Variants in ZEB1 observed in about 807,000 individuals in gnomAD.
ZEB1 encodes the protein zinc finger E-box-binding homeobox 1.
Under a neutral mutation model 84.9 loss-of-function variants are expected in ZEB1, and 21 were observed. That is an observed-to-expected ratio of 0.25 (90% CI 0.18 to 0.36). The LOEUF (loss-of-function observed/expected upper bound fraction) is 0.36. Among genes scored for constraint, ZEB1 ranks in the 10% least tolerant of loss-of-function variants. The probability of loss-of-function intolerance (pLI) is 1.00; values close to 1 mark genes in which losing one functional copy is unlikely to be tolerated. For synonymous variants in ZEB1, 420 were observed against 471.1 expected, an observed-to-expected ratio of 0.89 and a Z score of 1.41; for missense variants, 1,104 against 1,330.2, an observed-to-expected ratio of 0.83 and a Z score of 2.65.
At chr10:31,348,260 G>GT (rs1396266142) in intron 1 of ZEB1, among the ~76,000 whole-genome samples, 3 of 152,216 alleles carry the variant, frequency 2.0e-5, no homozygotes, top group Admixed American at 6.5e-5. Flanking sequence ...TGCTCTTCTG[G>GT]TTTTTTTAAG....
chr10:31,489,377 G>A lies in ZEB1; in HGVS notation c.260-6399G>A, dbSNP rs1303595354. Among the ~76,000 whole-genome samples the A allele has an allele frequency of 7.3e-5, 11 of 151,288 alleles. No individual in the cohort carries two copies. The South Asian group carries it at 1.7e-3, about 23-fold the overall frequency. On this transcript the variant is annotated intron_variant, in intron 2 of 8. Transcript: ENST00000424869. ...TGTAATTATAATTGAAGAAATTTTT[G>A]TAGATAGGATATTAATGGGGATTTT...
At chr10:31,375,340 A>G (rs1221128579) in intron 1 of ZEB1, among the ~76,000 whole-genome samples, 1 of 151,798 alleles carries the variant, frequency 6.6e-6, no homozygotes, top group African/African-American at 2.4e-5. Context: ...TCTTGAAGAA[A>G]TATATTCCTT....
chr10:31,325,083 G>A (rs1174710484), intron 1 of ZEB1, among the ~76,000 whole-genome samples: 1 of 152,034 alleles, frequency 6.6e-6, no homozygotes, highest in Non-Finnish European at 1.5e-5. Flanking sequence ...AGCCTTGATG[G>A]AGGTGGGTTA....
Position 31,520,578 on chromosome 10 carries a change from G to A in ZEB1, c.1246G>A (p.Val416Ile). ...ISINLSDIQN[V>I]LKVAVDGNVI... The stretch of plus-strand genomic sequence containing the variant: ...TATCAATTTAAGTGATATTCAGAAT[G>A]TACTTAAAGTGGCGGTAGATGGTAA... The change falls in exon 7 of 9, where the codon GTA becomes ATA. Residue 416 changes from valine to isoleucine, a missense_variant. This residue lies in a region of ZEB1 where 531 missense variants were observed against 575.2 expected (regional missense o/e 0.92). Coordinates refer to ENST00000424869, the MANE Select transcript of ZEB1 (RefSeq NM_001174096.2). This position sits in a 1 kb window ranked among gnomAD's most constrained non-coding sequence, Gnocchi z 5.1. 2 of 1,613,986 alleles carry A rather than the reference G, an allele frequency of 1.2e-6. No individual in the cohort carries two copies. Among genetic ancestry groups the A allele is most frequent in the Non-Finnish European group, 1.7e-6 (2 of 1,179,970 alleles).
At chr10:31,405,687 G>A (rs1471549815) in intron 1 of ZEB1, among the ~76,000 whole-genome samples, 2 of 151,428 alleles carry the variant, frequency 1.3e-5, no homozygotes, top group South Asian at 2.1e-4. Context: ...AAAGTGGAAC[G>A]TGTTTCTATT....
chr10:31,462,091 A>G (rs2061884173), intron 2 of ZEB1, among the ~76,000 whole-genome samples: 1 of 152,160 alleles, frequency 6.6e-6, no homozygotes, highest in Non-Finnish European at 1.5e-5. Context: ...AAGTTCAAAG[A>G]GGTCGTCTAG....
At position 31,521,918 on chromosome 10, in the gene ZEB1, C is replaced by CAT. The variant is rs2072495084; in HGVS notation, c.2586_2587insAT (p.Gln863IlefsTer21). 2.5e-6 allele frequency: 4 copies of CAT among 1,613,894 alleles called. No homozygotes were observed. The highest frequency in any genetic ancestry group is 3.4e-6 in the Non-Finnish European group (4 of 1,179,978). Reference sequence around the variant, plus strand: ...TCCAAGAACCACCCTTGAAAGTGATCCAGCCAAATGGAAATCAGGTAAAAA... The same window carrying CAT: ...TCCAAGAACCACCCTTGAAAGTGATCATCAGCCAAATGGAAATCAGGTAAAAA... On this transcript the variant is annotated frameshift_variant, in exon 7 of 9. Transcript: ENST00000424869. LOFTEE classifies it high-confidence loss of function.
At position 31,379,116 on chromosome 10, in the gene ZEB1, C is replaced by G. The variant is rs561200305; in HGVS notation, c.58+59824C>G. Among the ~76,000 whole-genome samples the G allele has an allele frequency of 2.0e-5, 3 of 152,052 alleles. No individual in the cohort carries two copies. In the East Asian group the frequency reaches 5.8e-4, roughly 29 times the overall value. Reference sequence around the variant, plus strand: ...TTATGTAGCTGAGACCAGTTGGTCTCTTTTAGAGAGGGGAGTATCAGTTAG... The same window carrying G: ...TTATGTAGCTGAGACCAGTTGGTCTGTTTTAGAGAGGGGAGTATCAGTTAG... On this transcript the variant is annotated intron_variant, in intron 1 of 8. Transcript: ENST00000424869.
chr10:31,524,314 G>A (rs905389680), intron 8 of ZEB1, among the ~76,000 whole-genome samples: 1 of 151,904 alleles, frequency 6.6e-6, no homozygotes, highest in East Asian at 1.9e-4. Context: ...CGCCTCCCGG[G>A]CTCAAGCCAT....
At chr10:31,404,091 T>TA (rs2052541412) in intron 1 of ZEB1, among the ~76,000 whole-genome samples, 1 of 152,070 alleles carries the variant, frequency 6.6e-6, no homozygotes, top group African/African-American at 2.4e-5. Flanking sequence ...TTTGGAAATT[T>TA]AAAAAATAGT....
At chr10:31,400,065 A>G (rs1400201167) in intron 1 of ZEB1, among the ~76,000 whole-genome samples, 1 of 151,668 alleles carries the variant, frequency 6.6e-6, no homozygotes, top group Non-Finnish European at 1.5e-5. Flanking sequence ...CCCCTACTTC[A>G]CCCCAATTCT....
chr10:31,321,546 G>GA, intron 1 of ZEB1: 1 of 1,614,024 alleles, frequency 6.2e-7, no homozygotes, highest in Non-Finnish European at 8.5e-7. Context: ...AGTTGGTTCG[G>GA]AAAGAGCTGT....
intron 1 of ZEB1, among the ~76,000 whole-genome samples, chr10:31,415,324 G>A (rs2055026038): frequency 6.6e-6 from 1 of 152,090 alleles, no homozygotes; most frequent in Non-Finnish European, 1.5e-5. Context: ...TGCTGTTGAT[G>A]CTGCTGCAAC....
chr10:31,462,253 G>A (rs891155271), intron 2 of ZEB1, among the ~76,000 whole-genome samples: 1 of 152,102 alleles, frequency 6.6e-6, no homozygotes, highest in Non-Finnish European at 1.5e-5. Context: ...CAAATCTAAT[G>A]GTTAACAAGG....
chr10:31,512,550 T>C (rs1364740957), intron 5 of ZEB1, among the ~76,000 whole-genome samples: 7 of 152,156 alleles, frequency 4.6e-5, no homozygotes, highest in Non-Finnish European at 8.8e-5. Context: ...TTGAGAATCA[T>C]ACTGTGACTA....
intron 6 of ZEB1, among the ~76,000 whole-genome samples, chr10:31,515,165 A>T (rs1369800187): frequency 1.3e-5 from 2 of 152,086 alleles, no homozygotes; most frequent in African/African-American, 4.8e-5. Flanking sequence ...AATGAGAGGG[A>T]GTGAAAGGAT....
At chr10:31,522,454 G>T (rs2072619668) in intron 7 of ZEB1, among the ~76,000 whole-genome samples, 1 of 152,158 alleles carries the variant, frequency 6.6e-6, no homozygotes, top group African/African-American at 2.4e-5. Flanking sequence ...TGAATTTACT[G>T]ATCATTTTAT....
intron 2 of ZEB1, among the ~76,000 whole-genome samples, chr10:31,476,356 C>G (rs1168647351): frequency 2.0e-5 from 3 of 151,810 alleles, no homozygotes; most frequent in African/African-American, 7.3e-5. Flanking sequence ...ACTAGATAAC[C>G]TAGAAGAAAT....
chr10:31,447,200 G>T lies in ZEB1; in HGVS notation c.59-13837G>T, dbSNP rs1011647452. On this transcript the variant is annotated intron_variant, in intron 1 of 8. Transcript: ENST00000424869. ...TCTTTGTCTCTTTTGATCTTTATTGGTTTAAAGGCTGTTTTATCAGAGACT... is the reference window on the plus strand; with the variant it reads ...TCTTTGTCTCTTTTGATCTTTATTGTTTTAAAGGCTGTTTTATCAGAGACT... Among the ~76,000 whole-genome samples, 88 of 152,100 alleles carry T rather than the reference G, an allele frequency of 5.8e-4. 1 individual carries two copies. The highest frequency in any genetic ancestry group is 6.5e-4 in the Admixed American group (10 of 15,282).
Sources: allele counts gnomAD v4.1 joint callset (sites outside exome capture counted in the v4.1 genomes callset), GRCh38; gene constraint gnomAD v4.1.1; regional missense constraint gnomAD v4.1.1; non-coding constraint Gnocchi (gnomAD v3.1); transcripts MANE v1.5; gene names NCBI Gene and HGNC (gene_info 2026-07-23, HGNC 2026-07-21).